CHD1L: variants seen among roughly 807,000 people sequenced by gnomAD.
CHD1L encodes ATP-dependent chromatin remodeler CHD1L.
CHD1L carries 118 observed loss-of-function variants against 115.9 expected under a neutral mutation model. The observed-to-expected ratio is 1.02, with a 90% confidence interval of 0.88 to 1.19. The LOEUF (loss-of-function observed/expected upper bound fraction) is 1.19. Ranked by LOEUF, CHD1L falls within the 50% of genes most tolerant of loss-of-function variation. The pLI is 0.00. For synonymous variants in CHD1L, 411 were observed against 387.1 expected (o/e 1.06, Z -0.72); for missense variants, 1,179 against 1,065.3 (o/e 1.11, Z -1.49).
rs142063555 is a variant in CHD1L at position 147,257,724 on chromosome 1, T to C, written c.494+1162T>C. Among the ~76,000 whole-genome samples the C allele has an allele frequency of 5.9e-3, 898 of 152,330 alleles. 4 individuals carry two copies. Among genetic ancestry groups the C allele is most frequent in the Non-Finnish European group, 9.3e-3 (634 of 68,030 alleles). On this transcript the variant is annotated intron_variant, in intron 5 of 22. Coordinates refer to ENST00000369258, the MANE Select transcript of CHD1L (RefSeq NM_004284.6). ...TGAAAACCCCACGAGGCAGCTATTATTCATTTTACGGGTGAGGAAAATAAG... is the reference window on the plus strand; with the variant it reads ...TGAAAACCCCACGAGGCAGCTATTACTCATTTTACGGGTGAGGAAAATAAG...
chr1:147,283,066 CAG>C (rs1681553008), intron 15 of CHD1L, among the ~76,000 whole-genome samples: 1 of 152,138 alleles, frequency 6.6e-6, no homozygotes, highest in Non-Finnish European at 1.5e-5. Context: ...AAATAAAAAA[CAG>C]GGTTGCTTTA....
chr1:147,240,375 G>C (rs1479281510), upstream of CHD1L, among the ~76,000 whole-genome samples: 1 of 152,204 alleles, frequency 6.6e-6, no homozygotes, highest in East Asian at 1.9e-4. Flanking sequence ...AGTACCCAGA[G>C]ACACAATACA....
the CHD1L span, chr1:147,186,921 A>G: frequency 3.1e-6 from 5 of 1,613,850 alleles, no homozygotes; most frequent in South Asian, 5.5e-5. Context: ...CTATAATTAT[A>G]GCAAAGAAGG....
rs782323069 is a variant in CHD1L at position 147,280,126 on chromosome 1, A to G, written c.1640A>G (p.Asp547Gly). The change falls in exon 15 of 23, where the codon GAT (aspartate) becomes GGT (glycine). Residue 547 changes from aspartate to glycine, a missense_variant. Physicochemically the swap from Asp to Gly is moderately conservative, Grantham distance 94. Coordinates refer to ENST00000369258, the MANE Select transcript of CHD1L (RefSeq NM_004284.6). ...GAGTCCATCCTGGGAGAAACAAAAG[A>G]TGGCCAGTGGGTCTCTGATGCCTTG... is the stretch of plus-strand genomic sequence containing the variant. ...DLESILGETK[D>G]GQWVSDALPA... is the part of the protein sequence containing the mutation. The G allele has an allele frequency of 5.0e-6, 8 of 1,613,780 alleles. No homozygotes were observed. In the Admixed American group the frequency reaches 6.7e-5, roughly 13 times the overall value.
the CHD1L span, among the ~76,000 whole-genome samples, chr1:147,177,440 C>T: frequency 2.0e-5 from 3 of 151,896 alleles, no homozygotes; most frequent in Admixed American, 2.0e-4. Context: ...TGTACTCTAC[C>T]CTCGAGAAGA....
At chr1:147,205,269 C>G in the CHD1L span, among the ~76,000 whole-genome samples, 2 of 151,972 alleles carry the variant, frequency 1.3e-5, no homozygotes, top group African/African-American at 4.8e-5. Flanking sequence ...CAAATGTCAC[C>G]CCACTGATTA....
Position 147,288,322 on chromosome 1 carries a change from C to CATAAAAAAAAAAAAA in CHD1L, c.2320+590_2320+591insTAAAAAAAAAAAAAA, listed in dbSNP as rs1452486110. 4.6e-4 allele frequency among the ~76,000 whole-genome samples: 40 copies of CATAAAAAAAAAAAAA among 87,898 alleles called. 3 individuals are homozygous for CATAAAAAAAAAAAAA. The highest frequency in any genetic ancestry group is 1.3e-3 in the African/African-American group (26 of 20,770). The allele number at this position is 87,898 out of a possible 152,430, so 57.7% of individuals were successfully genotyped here. A position where few individuals can be genotyped will look rare whatever the true frequency, so the allele number is the denominator to read the frequency against. ...CCTGAGTGAGAGTGAGACCCTGTTT[C>CATAAAAAAAAAAAAA]AATAAAAAAAAAAAAAAAAAAAAAG... On this transcript the variant is annotated intron_variant, in intron 19 of 22. Transcript: ENST00000369258.
chr1:147,207,305 A>G, the CHD1L span, among the ~76,000 whole-genome samples: 1 of 152,194 alleles, frequency 6.6e-6, no homozygotes, highest in African/African-American at 2.4e-5. Flanking sequence ...AATATAGCAA[A>G]CTTAACAGGT....
At chr1:147,187,152 C>G in the CHD1L span, 1 of 1,614,078 alleles carries the variant, frequency 6.2e-7, no homozygotes, top group South Asian at 1.1e-5. Context: ...AGGCCAGAGA[C>G]AGCAGATTGG....
At chr1:147,253,471 C>T (rs782178949) in intron 2 of CHD1L, among the ~76,000 whole-genome samples, 13 of 152,178 alleles carry the variant, frequency 8.5e-5, no homozygotes, top group Non-Finnish European at 1.6e-4. Context: ...AGCACTCTAA[C>T]CATAACCATG....
At chr1:147,235,087 CTGTGTGTG>C in the CHD1L span, among the ~76,000 whole-genome samples, 99 of 146,174 alleles carry the variant, frequency 6.8e-4, no homozygotes, top group South Asian at 0.012. Context: ...ATATCCCACA[CTGTGTGTG>C]TGTGTGTGTG....
intron 18 of CHD1L, among the ~76,000 whole-genome samples, chr1:147,287,407 C>G (rs1162607887): frequency 1.3e-5 from 2 of 152,170 alleles, no homozygotes; most frequent in Non-Finnish European, 2.9e-5. Context: ...CATTGAGAAC[C>G]CTAATTTTTG....
chr1:147,232,203 C>A, the CHD1L span, among the ~76,000 whole-genome samples: 38 of 152,208 alleles, frequency 2.5e-4, no homozygotes, highest in Non-Finnish European at 4.9e-4. Context: ...ATACTTTTTG[C>A]TGAATTAAAA....
the CHD1L span, among the ~76,000 whole-genome samples, chr1:147,218,515 C>T: frequency 1.2e-4 from 18 of 152,112 alleles, no homozygotes; most frequent in Non-Finnish European, 8.8e-5. Flanking sequence ...GGATTACAGG[C>T]GTGAGCCACC....
In CHD1L at chr1:147,246,323, G is replaced by A. The variant is rs587759539; in HGVS notation, c.127+3493G>A. 2.0e-5 allele frequency among the ~76,000 whole-genome samples: 3 copies of A among 152,300 alleles called. No individual in the cohort carries two copies. The South Asian group carries it at 6.2e-4, about 32-fold the overall frequency. On this transcript the variant is annotated intron_variant, in intron 1 of 22. Transcript: ENST00000369258. ...CTGAAGGATATCTGAGTTGTTCATA[G>A]TTTGTGGCTATTGCCAAAAAAGAAA...
the CHD1L span, among the ~76,000 whole-genome samples, chr1:147,206,517 T>C: frequency 3.3e-5 from 5 of 152,296 alleles, no homozygotes; most frequent in Admixed American, 3.3e-4. Context: ...CCAACCCAAA[T>C]GTCCAACAAT....
chr1:147,203,445 C>G, the CHD1L span: 1 of 838,800 alleles, frequency 1.2e-6, no homozygotes, highest in Non-Finnish European at 2.1e-6. Context: ...CAGCTTCCAA[C>G]ATGTCCGTTA....
the CHD1L span, among the ~76,000 whole-genome samples, chr1:147,207,350 A>G: frequency 2.0e-5 from 3 of 152,198 alleles, no homozygotes; most frequent in African/African-American, 7.2e-5. Context: ...TGCTCATTGT[A>G]CTTATTATTT....
the CHD1L span, among the ~76,000 whole-genome samples, chr1:147,174,155 A>T: frequency 6.6e-6 from 1 of 152,138 alleles, no homozygotes; most frequent in East Asian, 1.9e-4. Flanking sequence ...CTCATAAACC[A>T]AAGACAGTTT....
Sources: gnomAD v4.1 joint callset for allele counts (sites outside exome capture counted in the v4.1 genomes callset) on GRCh38, gnomAD v4.1.1 for gene constraint, MANE v1.5 for transcripts, NCBI Gene and HGNC (gene_info 2026-07-23, HGNC 2026-07-21) for gene names.